The following NXPE4 variants were observed in gnomAD, a reference collection of about 807,000 sequenced individuals.
NXPE4 encodes neurexophilin and PC-esterase domain family member 4.
In NXPE4, 42 loss-of-function variants were observed where a neutral mutation model predicts 33.3. The observed-to-expected ratio is 1.26, with a 90% confidence interval of 0.98 to 1.63. The LOEUF (loss-of-function observed/expected upper bound fraction) is 1.63, where lower values mean the gene tolerates loss of function less well. Among genes scored for constraint, NXPE4 ranks in the 40% most tolerant of loss-of-function variants. The pLI, the probability that NXPE4 is intolerant of heterozygous loss-of-function variation, is 0.00. For missense variants in NXPE4, 709 were observed against 647.6 expected (o/e 1.09, Z -1.03); for synonymous variants, 253 against 234.9 (o/e 1.08, Z -0.71).
chr11:114,597,685 C>T (rs140498396), upstream of NXPE4, among the ~76,000 whole-genome samples: 5 of 151,862 alleles, frequency 3.3e-5, no homozygotes, highest in African/African-American at 1.2e-4. Flanking sequence ...ATCACTTTGT[C>T]AGGGGATATG....
chr11:114,607,255 G>T, the NXPE4 span, among the ~76,000 whole-genome samples: 4 of 151,828 alleles, frequency 2.6e-5, no homozygotes, highest in Non-Finnish European at 4.4e-5. Flanking sequence ...TGGATAATAC[G>T]TGTTGCCTCA....
chr11:114,631,521 T>G, the NXPE4 span, among the ~76,000 whole-genome samples: 5 of 89,898 alleles, frequency 5.6e-5, no homozygotes, highest in East Asian at 8.0e-4. Context: ...TGGGGACTGT[T>G]GTGGGGTGGG....
chr11:114,574,097 T>G (rs1256667873), intron 5 of NXPE4, among the ~76,000 whole-genome samples: 1 of 152,116 alleles, frequency 6.6e-6, no homozygotes, highest in Non-Finnish European at 1.5e-5. Context: ...TTAAATAACC[T>G]GCTCTTGAAT....
At chr11:114,578,201 A>G (rs190039930) in intron 5 of NXPE4, among the ~76,000 whole-genome samples, 1 of 152,292 alleles carries the variant, frequency 6.6e-6, no homozygotes, top group East Asian at 1.9e-4. Flanking sequence ...AGGCTGGAAA[A>G]CAGAGATGCT....
chr11:114,611,947 C>G, the NXPE4 span, among the ~76,000 whole-genome samples: 2 of 151,928 alleles, frequency 1.3e-5, no homozygotes, highest in Admixed American at 6.6e-5. Flanking sequence ...CCACTGTTAC[C>G]TGGTAGATAA....
the NXPE4 span, among the ~76,000 whole-genome samples, chr11:114,619,625 C>T: frequency 3.3e-5 from 5 of 152,002 alleles, no homozygotes; most frequent in South Asian, 2.1e-4. Context: ...TGTGTTGCCT[C>T]GTGGGTAACC....
At chr11:114,665,290 T>TC in the NXPE4 span, among the ~76,000 whole-genome samples, 2 of 152,170 alleles carry the variant, frequency 1.3e-5, no homozygotes, top group Non-Finnish European at 2.9e-5. Flanking sequence ...TGCTAATTTC[T>TC]CCCCCACAAT....
chr11:114,587,652 C>G (rs186474911), intron 2 of NXPE4, among the ~76,000 whole-genome samples: 7 of 152,174 alleles, frequency 4.6e-5, no homozygotes, highest in Admixed American at 1.3e-4. Flanking sequence ...GGGCTCAGGG[C>G]GCCAAGGAGG....
the NXPE4 span, among the ~76,000 whole-genome samples, chr11:114,634,339 GT>G: frequency 2.6e-5 from 4 of 152,076 alleles, no homozygotes; most frequent in East Asian, 7.7e-4. Flanking sequence ...ATTTGTTTGA[GT>G]TCATTGTAGA....
chr11:114,634,161 G>A, the NXPE4 span, among the ~76,000 whole-genome samples: 1 of 151,648 alleles, frequency 6.6e-6, no homozygotes, highest in South Asian at 2.1e-4. Flanking sequence ...CATTCTAACT[G>A]GTGTGAGATG....
At position 114,594,704 on chromosome 11, in the gene NXPE4, G is replaced by C; in HGVS notation, c.56C>G (p.Ala19Gly). The stretch of plus-strand genomic sequence containing the variant: ...GAAAACTGTAAAAATGATCCAGGAG[G>C]CTAATATAAACAACAGTGCCAATAG... ...KSLLALLFIL[A>G]SWIIFTVFQN... The change falls in exon 2 of 6, where the codon GCC becomes GGC. Residue 19 changes from alanine (A) to glycine (G), a missense_variant. Coordinates refer to ENST00000375478, the MANE Select transcript of NXPE4 (RefSeq NM_001077639.2). 6.2e-7 allele frequency: 1 copy of C among 1,604,206 alleles called. No homozygotes were observed. The highest frequency in any genetic ancestry group is 8.5e-7 in the Non-Finnish European group (1 of 1,172,868).
the NXPE4 span, among the ~76,000 whole-genome samples, chr11:114,629,769 A>C: frequency 6.6e-6 from 1 of 150,468 alleles, no homozygotes; most frequent in Non-Finnish European, 1.5e-5. Context: ...TATCTAGAAA[A>C]CCCCATTGTC....
the NXPE4 span, among the ~76,000 whole-genome samples, chr11:114,657,850 A>G: frequency 6.6e-6 from 1 of 152,194 alleles, no homozygotes; most frequent in Non-Finnish European, 1.5e-5. Flanking sequence ...CCAATTTTAC[A>G]GACTGAGCAA....
At chr11:114,606,007 T>A in the NXPE4 span, among the ~76,000 whole-genome samples, 3 of 151,768 alleles carry the variant, frequency 2.0e-5, no homozygotes, top group Admixed American at 1.3e-4. Flanking sequence ...AAGTATTGCC[T>A]CATGGGTAAC....
At chr11:114,622,305 G>T in the NXPE4 span, among the ~76,000 whole-genome samples, 1 of 151,892 alleles carries the variant, frequency 6.6e-6, no homozygotes, top group Non-Finnish European at 1.5e-5. Context: ...AATAATTGTT[G>T]CCTCATGGGG....
upstream of NXPE4, among the ~76,000 whole-genome samples, chr11:114,596,699 GA>G: frequency 6.6e-6 from 1 of 152,102 alleles, no homozygotes; most frequent in Admixed American, 6.5e-5. Flanking sequence ...CCTATAATAA[GA>G]AAAAAGTATT....
chr11:114,621,505 A>T, the NXPE4 span, among the ~76,000 whole-genome samples: 21,556 of 152,022 alleles, frequency 0.14, 1,900 homozygotes, highest in East Asian at 0.37. Context: ...ATTGGAAAAT[A>T]AGTATTGCCT....
At chr11:114,640,277 T>C in the NXPE4 span, among the ~76,000 whole-genome samples, 1 of 144,042 alleles carries the variant, frequency 6.9e-6, no homozygotes, top group African/African-American at 2.5e-5. Context: ...TAATATATAA[T>C]ACATTATTTT....
intron 2 of NXPE4, among the ~76,000 whole-genome samples, chr11:114,591,882 A>AT (rs752197769): frequency 6.6e-6 from 1 of 152,132 alleles, no homozygotes; most frequent in Non-Finnish European, 1.5e-5. Context: ...TATGTCCCTA[A>AT]TTTTTTGAAA....
Sources: allele counts gnomAD v4.1 joint callset (sites outside exome capture counted in the v4.1 genomes callset), GRCh38; gene constraint gnomAD v4.1.1; transcripts MANE v1.5; gene names NCBI Gene and HGNC (gene_info 2026-07-23, HGNC 2026-07-21).